Variants in GAB2 observed in about 807,000 individuals in gnomAD.
GAB2 encodes GRB2 associated binding protein 2.
Under a neutral mutation model 65.5 loss-of-function variants are expected in GAB2, and 26 were observed. The observed-to-expected ratio is 0.40, with a 90% CI of 0.29 to 0.55. The LOEUF is 0.55. Ranked by LOEUF, GAB2 falls within the 20% of genes least tolerant of loss-of-function variation. The pLI, the probability that GAB2 is intolerant of heterozygous loss-of-function variation, is 0.53. For synonymous variants in GAB2, 321 were observed against 329.6 expected, an observed-to-expected ratio of 0.97 and a Z score of 0.28; for missense variants, 884 against 875.8, an observed-to-expected ratio of 1.01 and a Z score of -0.12.
chr11:78,246,071 A>G (rs1194952930), intron 3 of GAB2, among the ~76,000 whole-genome samples: 1 of 151,426 alleles, frequency 6.6e-6, no homozygotes, highest in Non-Finnish European at 1.5e-5. Context: ...CTGGGATTAC[A>G]GGCGCCCACC....
chr11:78,335,246 T>C (rs1855978445), intron 1 of GAB2, among the ~76,000 whole-genome samples: 1 of 152,248 alleles, frequency 6.6e-6, no homozygotes. Flanking sequence ...GTTAACTTGA[T>C]GTGATCCCAT....
chr11:78,266,282 C>G (rs928683309), intron 2 of GAB2, among the ~76,000 whole-genome samples: 1 of 146,446 alleles, frequency 6.8e-6, no homozygotes, highest in Admixed American at 6.9e-5. Flanking sequence ...GCTACTAATA[C>G]GGTGATCTAA....
In GAB2 at chr11:78,217,221, A is replaced by C; in HGVS notation, c.*2051T>G. ...CATTTGAAGTCTCTGTCTGATGGCCATCACCACTGTCTCATGTCCTTGTCC... is the reference window on the plus strand; with the variant it reads ...CATTTGAAGTCTCTGTCTGATGGCCCTCACCACTGTCTCATGTCCTTGTCC... On this transcript the variant is annotated 3_prime_UTR_variant, in exon 10 of 10. Transcript: ENST00000361507. 6.6e-6 allele frequency: 1 copy of C among 152,392 alleles called. No individual in the cohort carries two copies. Among genetic ancestry groups the C allele is most frequent in the Non-Finnish European group, 1.5e-5 (1 of 68,112 alleles). The allele number at this position is 152,392 out of a possible 1,614,324, so 9.4% of individuals were successfully genotyped here.
chr11:78,268,879 AAC>A (rs1865937434), intron 2 of GAB2, among the ~76,000 whole-genome samples: 1 of 152,192 alleles, frequency 6.6e-6, no homozygotes, highest in Non-Finnish European at 1.5e-5. Flanking sequence ...GTTCTAGGAC[AAC>A]ACAGAAACAT....
chr11:78,381,013 T>C (rs539567596), intron 1 of GAB2, among the ~76,000 whole-genome samples: 5 of 152,326 alleles, frequency 3.3e-5, no homozygotes, highest in African/African-American at 1.2e-4. Flanking sequence ...TCTGACCCCA[T>C]TCATTTGGAG....
At chr11:78,288,856 C>A (rs1866566357) in intron 1 of GAB2, among the ~76,000 whole-genome samples, 2 of 152,148 alleles carry the variant, frequency 1.3e-5, no homozygotes, top group Admixed American at 6.5e-5. Flanking sequence ...AAAGGAAGCA[C>A]AATAGCTAAA....
chr11:78,254,980 A>G (rs912490633), intron 2 of GAB2, among the ~76,000 whole-genome samples: 1 of 151,984 alleles, frequency 6.6e-6, no homozygotes, highest in Admixed American at 6.6e-5. Flanking sequence ...TGTCCTTCCA[A>G]AACTCATGTC....
At chr11:78,233,565 T>G (rs1328823062) in intron 3 of GAB2, among the ~76,000 whole-genome samples, 1 of 152,206 alleles carries the variant, frequency 6.6e-6, no homozygotes, top group Non-Finnish European at 1.5e-5. Flanking sequence ...AACAAATCCT[T>G]TGTTAGATAT....
chr11:78,341,205 G>A (rs1019953447), intron 1 of GAB2, among the ~76,000 whole-genome samples: 2 of 152,096 alleles, frequency 1.3e-5, no homozygotes, highest in African/African-American at 2.4e-5. Context: ...GCTTTTATTG[G>A]ATATATTCAT....
At chr11:78,364,832 G>A (rs755943234) in intron 1 of GAB2, among the ~76,000 whole-genome samples, 1 of 152,164 alleles carries the variant, frequency 6.6e-6, no homozygotes, top group Non-Finnish European at 1.5e-5. Context: ...AGATTCAGTA[G>A]ATACAGAGTG....
chr11:78,312,452 G>T (rs1439529756), intron 1 of GAB2, among the ~76,000 whole-genome samples: 6 of 152,198 alleles, frequency 3.9e-5, no homozygotes, highest in Admixed American at 3.9e-4. Context: ...TTGAGACGGA[G>T]TCTCGCTCTG....
intron 1 of GAB2, among the ~76,000 whole-genome samples, chr11:78,305,961 C>T (rs1390207553): frequency 6.6e-6 from 1 of 152,176 alleles, no homozygotes; most frequent in Non-Finnish European, 1.5e-5. Context: ...CTTAATCCTT[C>T]TCTGAGCAAA....
intron 1 of GAB2, among the ~76,000 whole-genome samples, chr11:78,286,428 C>T (rs1278438085): frequency 2.6e-5 from 4 of 151,948 alleles, no homozygotes; most frequent in African/African-American, 4.8e-5. Flanking sequence ...TTTCTTTCCC[C>T]GGGTTTGACA....
intron 1 of GAB2, among the ~76,000 whole-genome samples, chr11:78,359,741 A>G (rs528464537): frequency 4.6e-5 from 7 of 152,338 alleles, no homozygotes; most frequent in Admixed American, 2.6e-4. Flanking sequence ...CAACAATAAC[A>G]TAAGTTAGGA....
At chr11:78,244,367 G>A (rs1865231570) in intron 3 of GAB2, among the ~76,000 whole-genome samples, 1 of 151,452 alleles carries the variant, frequency 6.6e-6, no homozygotes, top group African/African-American at 2.4e-5. Context: ...ACTCCAGCCT[G>A]TACGACAGAG....
chr11:78,281,024 GC>G, intron 1 of GAB2, 123 bp from the exon 2 acceptor site: 1 of 743,360 alleles, frequency 1.3e-6, no homozygotes, highest in East Asian at 2.6e-5. Context: ...CACAATCAAA[GC>G]TCACTGCAAT....
chr11:78,416,942 C>T (rs1487742410), intron 1 of GAB2, among the ~76,000 whole-genome samples: 1 of 152,148 alleles, frequency 6.6e-6, no homozygotes, highest in East Asian at 1.9e-4. Context: ...CGATCTCTCC[C>T]GACCCCAGAC....
At chr11:78,415,154 A>G (rs1308089582) in intron 1 of GAB2, among the ~76,000 whole-genome samples, 2 of 152,230 alleles carry the variant, frequency 1.3e-5, no homozygotes, top group Admixed American at 1.3e-4. Context: ...TTACAGGCAT[A>G]AGCCACTGCG....
At chr11:78,378,387 A>G (rs991698809) in intron 1 of GAB2, among the ~76,000 whole-genome samples, 2 of 152,300 alleles carry the variant, frequency 1.3e-5, no homozygotes, top group East Asian at 1.9e-4. Flanking sequence ...TTATCATACC[A>G]TTACATTTCT....
Sources: gnomAD v4.1 joint callset for allele counts (sites outside exome capture counted in the v4.1 genomes callset) on GRCh38, gnomAD v4.1.1 for gene constraint, MANE v1.5 for transcripts, NCBI Gene and HGNC (gene_info 2026-07-23, HGNC 2026-07-21) for gene names.